The following PXDNL variants were observed in gnomAD, a reference collection of about 807,000 sequenced individuals.
PXDNL encodes the protein probable oxidoreductase PXDNL.
In PXDNL, 145 loss-of-function variants were observed where a neutral mutation model predicts 150.8. That is an observed-to-expected ratio of 0.96 (90% CI 0.84 to 1.10). The LOEUF is 1.10. Among genes scored for constraint, PXDNL ranks in the 50% least tolerant of loss-of-function variants. The probability of loss-of-function intolerance (pLI) is 0.00; values close to 1 mark genes in which losing one functional copy is unlikely to be tolerated. For missense variants in PXDNL, 2,087 were observed against 1,873.9 expected (o/e 1.11, Z -2.10); for synonymous variants, 757 against 725.7 (o/e 1.04, Z -0.69).
chr8:51,409,233 G>A lies in PXDNL; in HGVS notation c.2391C>T (p.His797=). The A allele has an allele frequency of 6.5e-7, 1 of 1,534,118 alleles. No homozygotes were observed. Among genetic ancestry groups the A allele is most frequent in the Non-Finnish European group, 8.7e-7 (1 of 1,145,084 alleles). ...WARAAAVTPD[H]SYTRMLMHWG... is the part of the protein sequence containing the mutation. ...AGTGCATGAGCATGCGCGTGTAGCT[G>A]TGGTCGGGGGTGACGGCCGCCGCGC... is the stretch of plus-strand genomic sequence containing the variant. Residue 797 remains histidine, a synonymous_variant, in exon 17 of 23, where the codon CAC becomes CAT. Transcript: ENST00000356297.
At chr8:51,537,299 A>C (rs1463720858) in intron 4 of PXDNL, among the ~76,000 whole-genome samples, 1 of 152,220 alleles carries the variant, frequency 6.6e-6, no homozygotes, top group East Asian at 1.9e-4. Flanking sequence ...GGCTGGGGAC[A>C]CTACTGAGCA....
chr8:51,466,233 G>A (rs975693427), intron 8 of PXDNL, among the ~76,000 whole-genome samples: 1 of 151,998 alleles, frequency 6.6e-6, no homozygotes, highest in African/African-American at 2.4e-5. Flanking sequence ...AGAGAACCCA[G>A]AAATAAAACT....
rs151008715 is a variant in PXDNL, at chr8:51,517,389, A to G, written c.381-17619T>C. 8.0e-3 allele frequency among the ~76,000 whole-genome samples: 1,221 copies of G among 152,008 alleles called. 19 individuals are homozygous for G. The highest frequency in any genetic ancestry group is 0.028 in the African/African-American group (1,140 of 41,450). On this transcript the variant is annotated intron_variant, in intron 4 of 22. Transcript: ENST00000356297. ...AAGAAAATATTAGTGTATACTGTGCAAAGTGCTTTTACTGTACTCAAGTTT... is the reference window on the plus strand; with the variant it reads ...AAGAAAATATTAGTGTATACTGTGCGAAGTGCTTTTACTGTACTCAAGTTT...
At chr8:51,491,693 G>A (rs1810899302) in intron 5 of PXDNL, among the ~76,000 whole-genome samples, 1 of 152,068 alleles carries the variant, frequency 6.6e-6, no homozygotes, top group East Asian at 1.9e-4. Flanking sequence ...GCTGCTGTTG[G>A]TGAGGACTTT....
At chr8:51,633,690 T>G (rs1367792530) in intron 2 of PXDNL, among the ~76,000 whole-genome samples, 2 of 151,942 alleles carry the variant, frequency 1.3e-5, no homozygotes, top group Admixed American at 6.6e-5. Context: ...AGGTGTGAAA[T>G]AGTGTTTTAC....
rs1394659903 is a variant in PXDNL at position 51,650,287 on chromosome 8, CAGTAGATTTTAA to C, written c.236+4390_236+4401del. ...ATAGATTAAAAAAAAATAAGTCTTC[CAGTAGATTTTAA>C]AGTCAACTATTTACTAATTGGAAGT... On this transcript the variant is annotated intron_variant, in intron 2 of 22. Transcript: ENST00000356297. 5.3e-5 allele frequency among the ~76,000 whole-genome samples: 8 copies of C among 152,040 alleles called. 1 individual carries two copies. Among genetic ancestry groups the C allele is most frequent in the African/African-American group, 1.7e-4 (7 of 41,486 alleles).
intron 1 of PXDNL, among the ~76,000 whole-genome samples, chr8:51,755,339 G>C (rs141750754): frequency 1.5e-3 from 223 of 151,648 alleles, no homozygotes; most frequent in Middle Eastern, 3.4e-3. Flanking sequence ...TTGTCGCCCA[G>C]GCTGGAGTGC....
At chr8:51,460,661 G>A (rs968021408) in intron 8 of PXDNL, among the ~76,000 whole-genome samples, 2 of 151,634 alleles carry the variant, frequency 1.3e-5, no homozygotes, top group Non-Finnish European at 2.9e-5. Context: ...GAAGAGGTGA[G>A]TGAAGGAAAC....
At chr8:51,676,443 AT>A (rs1353336359) in intron 1 of PXDNL, among the ~76,000 whole-genome samples, 1 of 151,912 alleles carries the variant, frequency 6.6e-6, no homozygotes, top group South Asian at 2.1e-4. Flanking sequence ...TGCCTGGCTA[AT>A]TTTTGTATTT....
intron 2 of PXDNL, among the ~76,000 whole-genome samples, chr8:51,620,471 C>CATT (rs1814227191): frequency 6.6e-6 from 1 of 152,030 alleles, no homozygotes; most frequent in African/African-American, 2.4e-5. Context: ...GAATTCCAGG[C>CATT]ATTATAAAAG....
At chr8:51,427,070 T>C (rs1231800525) in intron 12 of PXDNL, among the ~76,000 whole-genome samples, 1 of 152,208 alleles carries the variant, frequency 6.6e-6, no homozygotes, top group Admixed American at 6.5e-5. Context: ...GTACTTTTTG[T>C]TAAGCGTGAA....
chr8:51,430,011 A>G (rs751228716), intron 12 of PXDNL, among the ~76,000 whole-genome samples: 7 of 152,162 alleles, frequency 4.6e-5, no homozygotes, highest in Non-Finnish European at 1.0e-4. Context: ...CCTACGTGCC[A>G]GTGATGCTCC....
At chr8:51,685,598 C>A (rs1185902362) in intron 1 of PXDNL, among the ~76,000 whole-genome samples, 46 of 152,176 alleles carry the variant, frequency 3.0e-4, no homozygotes, top group Admixed American at 3.0e-3. Flanking sequence ...CTTCTCTATC[C>A]TCTTCAATTT....
intron 3 of PXDNL, among the ~76,000 whole-genome samples, chr8:51,572,817 T>C (rs974670138): frequency 7.9e-5 from 12 of 151,968 alleles, no homozygotes; most frequent in African/African-American, 2.9e-4. Context: ...CACACACGCA[T>C]AAAGTAAAAA....
intron 7 of PXDNL, 46 bp downstream of exon 7, chr8:51,474,926 A>G: frequency 2.1e-6 from 3 of 1,436,980 alleles, no homozygotes; most frequent in Non-Finnish European, 2.8e-6. Context: ...AAAAGAGAGC[A>G]AATGAGAGAC....
intron 3 of PXDNL, among the ~76,000 whole-genome samples, chr8:51,574,531 C>T (rs1327735385): frequency 1.3e-5 from 2 of 151,794 alleles, no homozygotes; most frequent in African/African-American, 4.8e-5. Flanking sequence ...CTGAAAACTT[C>T]CAATTTTGGC....
chr8:51,471,501 A>C (rs1810332668), intron 8 of PXDNL, among the ~76,000 whole-genome samples: 1 of 152,146 alleles, frequency 6.6e-6, no homozygotes, highest in Non-Finnish European at 1.5e-5. Context: ...ACCATAGGAA[A>C]GTTGCAATGT....
At position 51,726,049 on chromosome 8, in the gene PXDNL, C is replaced by T. The variant is rs185987821; in HGVS notation, c.165-71289G>A. ...AAAATAAAAAGGATTTGTCCAATGT[C>T]ATCTTGAATCTCTTGAAATTCTGTC... On this transcript the variant is annotated intron_variant, in intron 1 of 22. Coordinates refer to ENST00000356297, the MANE Select transcript of PXDNL (RefSeq NM_144651.5). 6.3e-4 allele frequency among the ~76,000 whole-genome samples: 96 copies of T among 152,342 alleles called. 2 individuals carry two copies. In the Middle Eastern group the frequency reaches 0.014, roughly 22 times the overall value.
intron 1 of PXDNL, among the ~76,000 whole-genome samples, chr8:51,751,482 C>A (rs554417513): frequency 6.6e-6 from 1 of 152,320 alleles, no homozygotes; most frequent in Non-Finnish European, 1.5e-5. Flanking sequence ...TTATTTTACA[C>A]CATGCTGGAG....
Sources: gnomAD v4.1 joint callset for allele counts (sites outside exome capture counted in the v4.1 genomes callset) on GRCh38, gnomAD v4.1.1 for gene constraint, MANE v1.5 for transcripts, NCBI Gene and HGNC (gene_info 2026-07-23, HGNC 2026-07-21) for gene names.